Variants in SH3GL3 observed in about 807,000 individuals in gnomAD.
SH3GL3 encodes the protein endophilin-A3.
In SH3GL3, 33 loss-of-function variants were observed where a neutral mutation model predicts 47.7. The observed-to-expected ratio is 0.69, with a 90% CI of 0.52 to 0.92. SH3GL3 has a LOEUF of 0.92. Ranked by LOEUF, SH3GL3 falls within the 40% of genes least tolerant of loss-of-function variation. The probability of loss-of-function intolerance (pLI) is 0.00; values close to 1 mark genes in which losing one functional copy is unlikely to be tolerated. For synonymous variants in SH3GL3, 155 were observed against 148.8 expected, an observed-to-expected ratio of 1.04 and a Z score of -0.30; for missense variants, 363 against 417.8, an observed-to-expected ratio of 0.87 and a Z score of 1.14.
At chr15:83,472,434 T>C (rs573085608) in intron 1 of SH3GL3, among the ~76,000 whole-genome samples, 4 of 152,328 alleles carry the variant, frequency 2.6e-5, no homozygotes, top group African/African-American at 9.6e-5. Flanking sequence ...GTTGTTCAGA[T>C]TGGGTAATTT....
At chr15:83,582,331 T>C (rs1320049518) in intron 6 of SH3GL3, among the ~76,000 whole-genome samples, 2 of 152,144 alleles carry the variant, frequency 1.3e-5, no homozygotes, top group Non-Finnish European at 2.9e-5. Context: ...GGATCCTCCT[T>C]CCATTCATGG....
chr15:83,627,593 G>A, the SH3GL3 span, among the ~76,000 whole-genome samples: 1 of 152,118 alleles, frequency 6.6e-6, no homozygotes, highest in Admixed American at 6.6e-5. Context: ...TTAGAATCTA[G>A]ACAACTTTTT....
chr15:83,603,932 T>TGA (rs2060452052), intron 8 of SH3GL3, among the ~76,000 whole-genome samples: 1 of 152,116 alleles, frequency 6.6e-6, no homozygotes, highest in Non-Finnish European at 1.5e-5. Context: ...TTCAGGAGTT[T>TGA]GAGACCAGCC....
chr15:83,589,121 C>T (rs1378194088), intron 8 of SH3GL3, among the ~76,000 whole-genome samples: 4 of 151,868 alleles, frequency 2.6e-5, no homozygotes, highest in East Asian at 1.9e-4. Flanking sequence ...AGTGCTGCAT[C>T]GTTATTTTTT....
intron 1 of SH3GL3, among the ~76,000 whole-genome samples, chr15:83,515,528 G>A (rs114815443): frequency 2.4e-4 from 36 of 152,176 alleles, no homozygotes; most frequent in Admixed American, 6.5e-4. Flanking sequence ...ATGCAGGTGG[G>A]GGGGGAGGGG....
At chr15:83,540,865 C>T (rs2044120324) in intron 1 of SH3GL3, among the ~76,000 whole-genome samples, 1 of 152,126 alleles carries the variant, frequency 6.6e-6, no homozygotes, top group African/African-American at 2.4e-5. Context: ...GTTGTGATAT[C>T]AAATATTATC....
chr15:83,488,375 G>A (rs1440559865), intron 1 of SH3GL3: 1 of 152,256 alleles, frequency 6.6e-6, no homozygotes, highest in Non-Finnish European at 1.5e-5. Flanking sequence ...AGGAGCTGCA[G>A]ATGTGTGATG....
intron 1 of SH3GL3, among the ~76,000 whole-genome samples, chr15:83,467,139 T>A (rs74429322): frequency 1.3e-5 from 2 of 152,366 alleles, no homozygotes; most frequent in Non-Finnish European, 2.9e-5. Flanking sequence ...GAAGATTTTC[T>A]CCTATGTCTA....
intron 1 of SH3GL3, among the ~76,000 whole-genome samples, chr15:83,527,002 C>A (rs2043451026): frequency 6.6e-6 from 1 of 151,990 alleles, no homozygotes; most frequent in Non-Finnish European, 1.5e-5. Context: ...TTCTTGATTT[C>A]TTTTTCAGCT....
At chr15:83,451,052 G>A (rs1377755310) in intron 1 of SH3GL3, among the ~76,000 whole-genome samples, 3 of 111,156 alleles carry the variant, frequency 2.7e-5, no homozygotes, top group Non-Finnish European at 3.6e-5. Context: ...GAGAATATGC[G>A]GTGTTTGGTT....
intron 3 of SH3GL3, among the ~76,000 whole-genome samples, chr15:83,568,087 A>G (rs2045642009): frequency 6.6e-6 from 1 of 151,568 alleles, no homozygotes; most frequent in African/African-American, 2.4e-5. Context: ...GGTTCAAGCA[A>G]TTCTCCTGCC....
At chr15:83,473,842 C>T (rs1181583230) in intron 1 of SH3GL3, among the ~76,000 whole-genome samples, 2 of 148,642 alleles carry the variant, frequency 1.3e-5, no homozygotes, top group African/African-American at 2.4e-5. Context: ...CCACCGCGCC[C>T]GGCCTGTTGG....
At chr15:83,562,079 A>T (rs1001641831) in intron 2 of SH3GL3, among the ~76,000 whole-genome samples, 2 of 128,172 alleles carry the variant, frequency 1.6e-5, no homozygotes, top group South Asian at 4.8e-4. Flanking sequence ...ACACACACAC[A>T]CACTATAGTG....
At position 83,599,178 on chromosome 15, in the gene SH3GL3, C is replaced by A. The variant is rs575217956; in HGVS notation, c.838+10407C>A. On this transcript the variant is annotated intron_variant, in intron 8 of 8. Coordinates refer to ENST00000427482, the MANE Select transcript of SH3GL3 (RefSeq NM_003027.5). ...TTCCCATGTGAAGCACTCCCCCTTT[C>A]CTTTCTTTATTTTTTTGGTATTCTA... Among the ~76,000 whole-genome samples, 15 of 152,180 alleles carry A rather than the reference C, an allele frequency of 9.9e-5. No homozygotes were observed. The South Asian group carries it at 3.1e-3, about 32-fold the overall frequency.
At chr15:83,498,662 G>A (rs1310878734) in intron 1 of SH3GL3, among the ~76,000 whole-genome samples, 2 of 151,946 alleles carry the variant, frequency 1.3e-5, no homozygotes, top group Non-Finnish European at 2.9e-5. Flanking sequence ...TCACTCCTCA[G>A]GGTGGGGCCA....
chr15:83,555,836 A>G (rs2044927380), intron 1 of SH3GL3, among the ~76,000 whole-genome samples: 1 of 152,230 alleles, frequency 6.6e-6, no homozygotes, highest in Non-Finnish European at 1.5e-5. Context: ...CAAGAAGCCC[A>G]GCAGGCCCGA....
chr15:83,485,246 C>A (rs369612973), intron 1 of SH3GL3, among the ~76,000 whole-genome samples: 4 of 152,168 alleles, frequency 2.6e-5, no homozygotes, highest in African/African-American at 9.6e-5. Flanking sequence ...TGTTTGGATA[C>A]TATTTGTGTG....
intron 1 of SH3GL3, among the ~76,000 whole-genome samples, chr15:83,538,689 T>C (rs2044026757): frequency 6.6e-6 from 1 of 152,248 alleles, no homozygotes; most frequent in South Asian, 2.1e-4. Flanking sequence ...TGTTGTTACA[T>C]ATTATGGGAG....
At chr15:83,521,187 A>C (rs1335859249) in intron 1 of SH3GL3, among the ~76,000 whole-genome samples, 1 of 152,232 alleles carries the variant, frequency 6.6e-6, no homozygotes, top group East Asian at 1.9e-4. Flanking sequence ...TTTTGTGAGC[A>C]AAACCTCAAC....
Sources: gnomAD v4.1 joint callset for allele counts (sites outside exome capture counted in the v4.1 genomes callset) on GRCh38, gnomAD v4.1.1 for gene constraint, MANE v1.5 for transcripts, NCBI Gene and HGNC (gene_info 2026-07-23, HGNC 2026-07-21) for gene names.